Variants in TRAPPC3L observed in about 807,000 individuals in gnomAD.
TRAPPC3L encodes trafficking protein particle complex subunit 3L.
TRAPPC3L carries 23 observed loss-of-function variants against 23.7 expected under a neutral mutation model. The ratio of observed to expected loss-of-function variants is 0.97; its 90% CI spans 0.70 to 1.37. The LOEUF is 1.37. Ranked by LOEUF, TRAPPC3L falls within the 40% of genes most tolerant of loss-of-function variation. The pLI is 0.00. For synonymous variants in TRAPPC3L, 81 were observed against 77.9 expected, an observed-to-expected ratio of 1.04 and a Z score of -0.21; for missense variants, 212 against 216.8, an observed-to-expected ratio of 0.98 and a Z score of 0.14.
chr6:116,519,784 A>G (rs1772296351), intron 3 of TRAPPC3L: 1 of 152,216 alleles, frequency 6.6e-6, no homozygotes, highest in Non-Finnish European at 1.5e-5. Context: ...TTCATGGCAC[A>G]AAATGCTGAT....
At chr6:116,543,445 G>C in intron 1 of TRAPPC3L, 45 bp from the exon 2 acceptor site, 1 of 1,378,640 alleles carries the variant, frequency 7.3e-7, no homozygotes, top group Non-Finnish European at 9.9e-7. Context: ...AGTTATGACA[G>C]TATACTACTG....
chr6:116,544,187 T>C, intron 1 of TRAPPC3L, among the ~76,000 whole-genome samples: 1 of 91,554 alleles, frequency 1.1e-5, no homozygotes. Flanking sequence ...GAGAGAATGA[T>C]GAGATTGTTG....
rs138558199 is a variant in TRAPPC3L at position 116,513,186 on chromosome 6, C to T, written c.241-12520G>A. The stretch of plus-strand genomic sequence containing the variant: ...CAGAAATAGCATTATTTTACTTTTT[C>T]GACAAGGATTTGCCTTGGTAACAAC... On this transcript the variant is annotated intron_variant, in intron 3 of 4. Coordinates refer to ENST00000368602, the MANE Select transcript of TRAPPC3L (RefSeq NM_001139444.3). Among the ~76,000 whole-genome samples the T allele has an allele frequency of 4.1e-3, 627 of 152,212 alleles. 5 individuals carry two copies. The highest frequency in any genetic ancestry group is 0.014 in the African/African-American group (584 of 41,528).
At chr6:116,523,427 GA>G (rs1309359518) in intron 3 of TRAPPC3L, 2 of 152,164 alleles carry the variant, frequency 1.3e-5, no homozygotes, top group Non-Finnish European at 2.9e-5. Flanking sequence ...CTGAGTACGT[GA>G]AAAGCTATTG....
At position 116,500,671 on chromosome 6, in the gene TRAPPC3L, T is replaced by G; in HGVS notation, c.241-5A>C. ...CAGGTACATCTTGAAAGCAACCTGATAAGAAAAAAACAAAATTACTAAAAC... is the reference window on the plus strand; with the variant it reads ...CAGGTACATCTTGAAAGCAACCTGAGAAGAAAAAAACAAAATTACTAAAAC... On this transcript the variant is annotated splice_region_variant and splice_polypyrimidine_tract_variant and intron_variant, in intron 3 of 4. Coordinates refer to ENST00000368602, the MANE Select transcript of TRAPPC3L (RefSeq NM_001139444.3). 6.5e-7 allele frequency: 1 copy of G among 1,549,924 alleles called. No individual in the cohort carries two copies. The highest frequency in any genetic ancestry group is 2.4e-5 in the East Asian group (1 of 40,900).
intron 3 of TRAPPC3L, chr6:116,515,974 T>C (rs758138403): frequency 6.3e-7 from 1 of 1,597,960 alleles, no homozygotes; most frequent in East Asian, 2.2e-5. Flanking sequence ...TTGTGGGTAC[T>C]GCCCACAATA....
At chr6:116,501,686 A>G (rs931053961) in intron 3 of TRAPPC3L, among the ~76,000 whole-genome samples, 2 of 152,158 alleles carry the variant, frequency 1.3e-5, no homozygotes, top group African/African-American at 4.8e-5. Flanking sequence ...TCAGGCAGCA[A>G]TTATCTGCTG....
rs1488157419 is a variant in TRAPPC3L, at chr6:116,495,732, A to T, written c.*1222T>A. On this transcript the variant is annotated 3_prime_UTR_variant, in exon 5 of 5. Coordinates refer to ENST00000368602, the MANE Select transcript of TRAPPC3L (RefSeq NM_001139444.3). ...TTTAACTAGGGTGAGATAATATCTC[A>T]TTATAGTTTTGATTTGCATTTCTCT... 1 of 152,174 alleles carries T rather than the reference A, an allele frequency of 6.6e-6. No homozygotes were observed. Among genetic ancestry groups the T allele is most frequent in the African/African-American group, 2.4e-5 (1 of 41,430 alleles). 9.4% of individuals were successfully genotyped at this position (152,174 alleles called of 1,614,324 possible).
chr6:116,511,694 A>T (rs1294741749), intron 3 of TRAPPC3L: 2 of 1,612,546 alleles, frequency 1.2e-6, no homozygotes, highest in Non-Finnish European at 1.7e-6. Context: ...GTGCATCTCC[A>T]ACATGGATGC....
intron 4 of TRAPPC3L, among the ~76,000 whole-genome samples, chr6:116,498,923 C>T (rs1412783006): frequency 6.6e-6 from 1 of 152,148 alleles, no homozygotes; most frequent in Non-Finnish European, 1.5e-5. Flanking sequence ...TTTATTCTTG[C>T]TCTACAGACT....
intron 2 of TRAPPC3L, 75 bp downstream of exon 2, chr6:116,543,228 T>C: frequency 9.4e-7 from 1 of 1,066,914 alleles, no homozygotes; most frequent in East Asian, 2.7e-5. Context: ...GCAAAGGAAG[T>C]CATTAGAGGC....
At chr6:116,510,443 G>A (rs941261525) in intron 3 of TRAPPC3L, among the ~76,000 whole-genome samples, 1 of 121,622 alleles carries the variant, frequency 8.2e-6, no homozygotes, top group African/African-American at 2.7e-5. Flanking sequence ...CACCGAGCCT[G>A]GCTAATTTTT....
intron 4 of TRAPPC3L, 124 bp from the exon 5 acceptor site, chr6:116,497,197 T>A: frequency 8.1e-7 from 1 of 1,239,122 alleles, no homozygotes. Context: ...AGCTTGTTCG[T>A]GGATAAAGGG....
intron 3 of TRAPPC3L, among the ~76,000 whole-genome samples, chr6:116,508,451 A>G (rs1772045315): frequency 6.6e-6 from 1 of 152,204 alleles, no homozygotes; most frequent in African/African-American, 2.4e-5. Flanking sequence ...TGAACTGGCT[A>G]ATGCAGAATT....
chr6:116,509,104 A>G (rs902214707), intron 3 of TRAPPC3L, among the ~76,000 whole-genome samples: 1 of 151,620 alleles, frequency 6.6e-6, no homozygotes, highest in Non-Finnish European at 1.5e-5. Context: ...AAAAAAAAAA[A>G]AAAAAAAACC....
chr6:116,544,326 C>T (rs1212326327), intron 1 of TRAPPC3L, among the ~76,000 whole-genome samples: 2 of 152,092 alleles, frequency 1.3e-5, no homozygotes, highest in Non-Finnish European at 2.9e-5. Context: ...GGAATTTCTT[C>T]TCTGTCCCTG....
chr6:116,523,780 CA>C (rs750274975), intron 3 of TRAPPC3L: 1 of 151,918 alleles, frequency 6.6e-6, no homozygotes, highest in African/African-American at 2.4e-5. Context: ...ACATAAGCAA[CA>C]AAAAACAAGG....
chr6:116,532,840 G>T (rs574419285), intron 3 of TRAPPC3L, among the ~76,000 whole-genome samples: 5 of 152,336 alleles, frequency 3.3e-5, no homozygotes, highest in African/African-American at 1.2e-4. Flanking sequence ...GTTAAGTAAG[G>T]TTAATCATGG....
At chr6:116,530,889 A>G (rs2115188315) in intron 3 of TRAPPC3L, among the ~76,000 whole-genome samples, 1 of 138,608 alleles carries the variant, frequency 7.2e-6, no homozygotes, top group South Asian at 2.3e-4. Context: ...AGGTTCATAG[A>G]TAAAGTGAGA....
Sources: allele counts gnomAD v4.1 joint callset (sites outside exome capture counted in the v4.1 genomes callset), GRCh38; gene constraint gnomAD v4.1.1; transcripts MANE v1.5; gene names NCBI Gene and HGNC (gene_info 2026-07-23, HGNC 2026-07-21).